PPP1R9A: variants seen among roughly 807,000 people sequenced by gnomAD.
PPP1R9A encodes protein phosphatase 1 regulatory subunit 9A, also known as neurabin-1.
In PPP1R9A, 59 loss-of-function variants were observed where a neutral mutation model predicts 141.9. That is an observed-to-expected ratio of 0.42 (90% CI 0.34 to 0.52). The LOEUF is 0.52. PPP1R9A is among the 20% of genes least tolerant of loss of function. PPP1R9A has a pLI of 0.10. For synonymous variants in PPP1R9A, 500 were observed against 569.7 expected, an observed-to-expected ratio of 0.88 and a Z score of 1.74; for missense variants, 1,444 against 1,611.9, an observed-to-expected ratio of 0.90 and a Z score of 1.78.
At chr7:95,012,181 G>A (rs1184279673) in intron 2 of PPP1R9A, among the ~76,000 whole-genome samples, 2 of 152,114 alleles carry the variant, frequency 1.3e-5, no homozygotes, top group African/African-American at 2.4e-5. Flanking sequence ...ATTGGCTCAT[G>A]GTTCTACAGG....
intron 5 of PPP1R9A, among the ~76,000 whole-genome samples, chr7:95,175,952 C>G (rs1018625262): frequency 3.0e-4 from 45 of 152,124 alleles, no homozygotes; most frequent in African/African-American, 9.2e-4. Context: ...TCATGGCCGA[C>G]AGGAGGCAGG....
chr7:95,216,100 T>C (rs1446257077), intron 7 of PPP1R9A, among the ~76,000 whole-genome samples: 1 of 152,208 alleles, frequency 6.6e-6, no homozygotes, highest in Non-Finnish European at 1.5e-5. Flanking sequence ...GTTTTTATGG[T>C]TTTAGGTCTA....
At chr7:95,107,694 G>A (rs1006767277) in intron 2 of PPP1R9A, among the ~76,000 whole-genome samples, 11 of 152,084 alleles carry the variant, frequency 7.2e-5, no homozygotes, top group Non-Finnish European at 1.6e-4. Context: ...GCCTTAATAA[G>A]CGAAGTTTTA....
At chr7:95,064,188 G>A (rs1231216590) in intron 2 of PPP1R9A, among the ~76,000 whole-genome samples, 1 of 152,166 alleles carries the variant, frequency 6.6e-6, no homozygotes, top group Admixed American at 6.5e-5. Context: ...GTCCCTGCCA[G>A]CCTCTGGTCA....
chr7:94,940,418 C>A (rs1430060039), intron 2 of PPP1R9A, among the ~76,000 whole-genome samples: 3 of 151,810 alleles, frequency 2.0e-5, no homozygotes, highest in African/African-American at 7.3e-5. Context: ...GTAACATCCT[C>A]CTTAATACTA....
chr7:95,244,074 T>G (rs1461333245), intron 8 of PPP1R9A, among the ~76,000 whole-genome samples: 1 of 152,200 alleles, frequency 6.6e-6, no homozygotes, highest in Non-Finnish European at 1.5e-5. Context: ...ATTTTTAATT[T>G]TAGGCCTCAT....
intron 4 of PPP1R9A, among the ~76,000 whole-genome samples, chr7:95,153,070 G>A (rs901429377): frequency 1.3e-5 from 2 of 151,798 alleles, no homozygotes; most frequent in East Asian, 3.9e-4. Flanking sequence ...GGCTGGTCTC[G>A]AACTCCTGAC....
At chr7:95,071,744 TAA>T (rs199589134) in intron 2 of PPP1R9A, among the ~76,000 whole-genome samples, 1 of 151,960 alleles carries the variant, frequency 6.6e-6, no homozygotes, top group East Asian at 1.9e-4. Flanking sequence ...TGAAATACAT[TAA>T]GGTAATTATT....
chr7:95,067,194 C>T (rs1014870492), intron 2 of PPP1R9A, among the ~76,000 whole-genome samples: 2 of 152,098 alleles, frequency 1.3e-5, no homozygotes, highest in Admixed American at 1.3e-4. Flanking sequence ...AGTTGTGTAC[C>T]ATGAAATTCA....
intron 2 of PPP1R9A, among the ~76,000 whole-genome samples, chr7:94,922,545 G>A (rs901389674): frequency 3.9e-5 from 6 of 152,068 alleles, no homozygotes; most frequent in Non-Finnish European, 7.4e-5. Flanking sequence ...AATTCATTAC[G>A]ATAAATGCAT....
intron 2 of PPP1R9A, among the ~76,000 whole-genome samples, chr7:95,101,266 G>A (rs2152400219): frequency 6.6e-6 from 1 of 152,272 alleles, no homozygotes; most frequent in South Asian, 2.1e-4. Flanking sequence ...CAGGATCTTT[G>A]CAATCCATAG....
rs561350935 is a variant in PPP1R9A, at chr7:95,131,640, C to CTT, written c.1649+10821_1649+10822dup. Among the ~76,000 whole-genome samples the CTT allele has an allele frequency of 8.8e-3, 1,233 of 139,864 alleles. 13 individuals are homozygous for CTT. The highest frequency in any genetic ancestry group is 0.031 in the African/African-American group (1,185 of 38,522). 91.8% of individuals were successfully genotyped at this position (139,864 alleles called of 152,430 possible). A position where few individuals can be genotyped will look rare whatever the true frequency, so the allele number is the denominator to read the frequency against. On this transcript the variant is annotated intron_variant, in intron 4 of 19. Coordinates refer to ENST00000433360, the MANE Select transcript of PPP1R9A (RefSeq NM_001166160.2). ...TTTTTAGGTTCTATATGAATTTTAA[C>CTT]TTTTTTTTTTTTTTGTCTTTCAGGA...
intron 2 of PPP1R9A, among the ~76,000 whole-genome samples, chr7:94,965,661 T>G (rs1019019880): frequency 7.2e-5 from 11 of 152,344 alleles, no homozygotes; most frequent in Admixed American, 5.2e-4. Context: ...GCCTCTGTTC[T>G]GTTCCATTGG....
chr7:94,922,841 A>G (rs1793013174), intron 2 of PPP1R9A, among the ~76,000 whole-genome samples: 1 of 152,178 alleles, frequency 6.6e-6, no homozygotes. Flanking sequence ...TTCTTTAATT[A>G]CATTAAAAGA....
intron 2 of PPP1R9A, among the ~76,000 whole-genome samples, chr7:95,028,365 G>A (rs1807188960): frequency 6.6e-6 from 1 of 152,096 alleles, no homozygotes; most frequent in South Asian, 2.1e-4. Flanking sequence ...TGAAATATGA[G>A]AAATATGAAA....
At chr7:94,940,943 A>C (rs932308720) in intron 2 of PPP1R9A, among the ~76,000 whole-genome samples, 1 of 152,146 alleles carries the variant, frequency 6.6e-6, no homozygotes, top group Non-Finnish European at 1.5e-5. Context: ...GGAGTTGTTC[A>C]TAATGAAGAA....
chr7:94,965,729 G>A (rs182916900), intron 2 of PPP1R9A, among the ~76,000 whole-genome samples: 1 of 152,022 alleles, frequency 6.6e-6, no homozygotes, highest in African/African-American at 2.4e-5. Context: ...TAGCCTTGTA[G>A]TATAGTTTGA....
chr7:95,100,108 C>G (rs1004112807), intron 2 of PPP1R9A, among the ~76,000 whole-genome samples: 2 of 151,884 alleles, frequency 1.3e-5, no homozygotes, highest in African/African-American at 2.4e-5. Flanking sequence ...TAAAACTTTC[C>G]ACAAAGTCAA....
chr7:95,233,559 C>T (rs1210998702), intron 8 of PPP1R9A, among the ~76,000 whole-genome samples: 2 of 151,898 alleles, frequency 1.3e-5, no homozygotes, highest in Admixed American at 6.6e-5. Context: ...CAAAAATAGT[C>T]CAGGACCATA....
Sources: allele counts gnomAD v4.1 joint callset (sites outside exome capture counted in the v4.1 genomes callset), GRCh38; gene constraint gnomAD v4.1.1; transcripts MANE v1.5; gene names NCBI Gene and HGNC (gene_info 2026-07-23, HGNC 2026-07-21).